The following MSI2 variants were observed in gnomAD, a reference collection of about 807,000 sequenced individuals.
MSI2 encodes musashi RNA binding protein 2, also known as RNA-binding protein Musashi homolog 2.
A neutral mutation model predicts 45.6 loss-of-function variants in MSI2; 17 were observed. The observed-to-expected ratio is 0.37, with a 90% CI of 0.26 to 0.56. The LOEUF is 0.56. Ranked by LOEUF, MSI2 falls within the 20% of genes least tolerant of loss-of-function variation. The pLI is 0.77. For synonymous variants in MSI2, 156 were observed against 158.2 expected (o/e 0.99, Z 0.11); for missense variants, 293 against 444.2 (o/e 0.66, Z 3.06).
At chr17:57,295,908 G>T (rs565150352) in intron 5 of MSI2, among the ~76,000 whole-genome samples, 1 of 143,670 alleles carries the variant, frequency 7.0e-6, no homozygotes, top group South Asian at 2.3e-4. Flanking sequence ...ACTTTTCTTT[G>T]AACTGGTCTT....
chr17:57,591,644 T>C (rs906258620), intron 7 of MSI2, among the ~76,000 whole-genome samples: 1 of 151,858 alleles, frequency 6.6e-6, no homozygotes, highest in Non-Finnish European at 1.5e-5. Flanking sequence ...AGAGGATTGC[T>C]TAAGCTTGGG....
intron 6 of MSI2, among the ~76,000 whole-genome samples, chr17:57,437,848 T>TA (rs1364512040): frequency 6.6e-6 from 1 of 152,180 alleles, no homozygotes; most frequent in Non-Finnish European, 1.5e-5. Context: ...AATCAATAAA[T>TA]ATGAAGTGCT....
At chr17:57,438,671 C>T (rs2084736844) in intron 6 of MSI2, among the ~76,000 whole-genome samples, 1 of 151,984 alleles carries the variant, frequency 6.6e-6, no homozygotes, top group South Asian at 2.1e-4. Flanking sequence ...TTTAAAAATA[C>T]AGTATTTTAG....
chr17:57,419,635 A>G (rs925610594), intron 6 of MSI2, among the ~76,000 whole-genome samples: 1 of 151,866 alleles, frequency 6.6e-6, no homozygotes, highest in Non-Finnish European at 1.5e-5. Flanking sequence ...CAGCCTCCCA[A>G]AGTGCAGGGA....
chr17:57,256,845 G>A, intron 1 of MSI2, 41 bp downstream of exon 1: 1 of 1,405,904 alleles, frequency 7.1e-7, no homozygotes, highest in Non-Finnish European at 9.4e-7. Flanking sequence ...CCTTGGGCTC[G>A]CTCTCCTTGC....
At chr17:57,350,673 C>A (rs1004042389) in intron 5 of MSI2, among the ~76,000 whole-genome samples, 1 of 152,160 alleles carries the variant, frequency 6.6e-6, no homozygotes, top group Non-Finnish European at 1.5e-5. Context: ...AGTGCTCAAC[C>A]CCATCTTGTC....
At position 57,627,607 on chromosome 17, in the gene MSI2, T is replaced by C. The variant is rs945739642; in HGVS notation, c.727+304T>C. 4.5e-5 allele frequency: 20 copies of C among 442,564 alleles called. No individual in the cohort carries two copies. Among genetic ancestry groups the C allele is most frequent in the African/African-American group, 3.4e-4 (17 of 49,976 alleles). The allele number at this position is 442,564 out of a possible 1,614,324, so 27.4% of individuals were successfully genotyped here. On this transcript the variant is annotated intron_variant, in intron 10 of 13. Transcript: ENST00000284073. This position sits in a 1 kb window ranked among gnomAD's most constrained non-coding sequence, Gnocchi z 4.6. The stretch of plus-strand genomic sequence containing the variant: ...TTTTCTGAAGCCTCTTCCGGGTTTT[T>C]TCTCACTGGGGACTGAACTCTAGGC...
chr17:57,597,547 C>T (rs967600060), intron 8 of MSI2, among the ~76,000 whole-genome samples: 5 of 151,244 alleles, frequency 3.3e-5, no homozygotes, highest in Non-Finnish European at 5.9e-5. Flanking sequence ...GATCACCTGA[C>T]CCCAGGAGGT....
chr17:57,665,234 C>G (rs929420614), intron 11 of MSI2, among the ~76,000 whole-genome samples: 1 of 152,194 alleles, frequency 6.6e-6, no homozygotes, highest in African/African-American at 2.4e-5. Context: ...CTGTCTCTCT[C>G]GAGGACAGGC....
chr17:57,361,963 T>C (rs926250826), intron 5 of MSI2, among the ~76,000 whole-genome samples: 1 of 152,242 alleles, frequency 6.6e-6, no homozygotes, highest in African/African-American at 2.4e-5. Context: ...TTTCTACAAA[T>C]TATTTTGGTC....
intron 5 of MSI2, among the ~76,000 whole-genome samples, chr17:57,291,238 A>T (rs191474072): frequency 1.2e-4 from 18 of 152,312 alleles, no homozygotes; most frequent in Non-Finnish European, 5.9e-5. Context: ...AATAGCAAGG[A>T]GCAGATTGCC....
intron 5 of MSI2, among the ~76,000 whole-genome samples, chr17:57,319,772 C>G (rs1276840228): frequency 6.6e-6 from 1 of 152,150 alleles, no homozygotes; most frequent in Non-Finnish European, 1.5e-5. Context: ...GCCATCATGC[C>G]TGGCGAATTT....
At chr17:57,295,599 G>A (rs1188341180) in intron 5 of MSI2, among the ~76,000 whole-genome samples, 2 of 152,078 alleles carry the variant, frequency 1.3e-5, no homozygotes, top group Non-Finnish European at 2.9e-5. Flanking sequence ...TAAGGTGGTG[G>A]GTGTGCCCTG....
Position 57,518,520 on chromosome 17 carries a change from C to G in MSI2, c.406-11156C>G, listed in dbSNP as rs117655597. Among the ~76,000 whole-genome samples the G allele has an allele frequency of 7.5e-3, 1,147 of 152,346 alleles. 6 individuals carry two copies. The highest frequency in any genetic ancestry group is 0.013 in the Non-Finnish European group (871 of 68,040). On this transcript the variant is annotated intron_variant, in intron 6 of 13. Transcript: ENST00000284073. ...CACACTTGGTAATTATAAACCCTTC[C>G]CTGGTTCGGTCAGAGTCGTGGAGAT...
At chr17:57,516,295 A>G (rs576742283) in intron 6 of MSI2, among the ~76,000 whole-genome samples, 27 of 152,326 alleles carry the variant, frequency 1.8e-4, no homozygotes, top group Admixed American at 1.6e-3. Context: ...GGAGTCATAC[A>G]GTATGTAATA....
intron 8 of MSI2, among the ~76,000 whole-genome samples, chr17:57,610,389 T>C (rs779421142): frequency 6.6e-6 from 1 of 151,830 alleles, no homozygotes; most frequent in Non-Finnish European, 1.5e-5. Flanking sequence ...GAGGCGGAGG[T>C]TGCAGTGAGC....
rs1913638567 is a variant in MSI2, at chr17:57,682,056, T to G, written c.*2539T>G. The G allele has an allele frequency of 4.9e-6, 1 of 205,482 alleles. No individual in the cohort carries two copies. Among genetic ancestry groups the G allele is most frequent in the African/African-American group, 2.3e-5 (1 of 43,778 alleles). 12.7% of individuals were successfully genotyped at this position (205,482 alleles called of 1,614,324 possible). Reference sequence around the variant, plus strand: ...TAGTGTAGCGACTTTTTTTCTCCTCTTTCTTCTAGTACATATTGATAGGTA... The same window carrying G: ...TAGTGTAGCGACTTTTTTTCTCCTCGTTCTTCTAGTACATATTGATAGGTA... On this transcript the variant is annotated 3_prime_UTR_variant, in exon 14 of 14. Transcript: ENST00000284073.
chr17:57,637,470 G>T (rs1451913378), intron 10 of MSI2, among the ~76,000 whole-genome samples: 1 of 152,296 alleles, frequency 6.6e-6, no homozygotes. Context: ...AGAATTGTGG[G>T]TTTCACTTCC....
chr17:57,446,999 C>T (rs530237565), intron 6 of MSI2, among the ~76,000 whole-genome samples: 6 of 152,270 alleles, frequency 3.9e-5, no homozygotes, highest in Middle Eastern at 3.4e-3. Flanking sequence ...AAAATCCATG[C>T]GCTGCAAAGA....
Sources: allele counts gnomAD v4.1 joint callset (sites outside exome capture counted in the v4.1 genomes callset), GRCh38; gene constraint gnomAD v4.1.1; non-coding constraint Gnocchi (gnomAD v3.1); transcripts MANE v1.5; gene names NCBI Gene and HGNC (gene_info 2026-07-23, HGNC 2026-07-21).